The following CRYBG1 variants were observed in gnomAD, a reference collection of about 807,000 sequenced individuals.
CRYBG1 encodes crystallin beta-gamma domain containing 1.
In CRYBG1, 139 loss-of-function variants were observed where a neutral mutation model predicts 189.2. The observed-to-expected ratio is 0.73, with a 90% CI of 0.64 to 0.85. The LOEUF (loss-of-function observed/expected upper bound fraction) is 0.85. Ranked by LOEUF, CRYBG1 falls within the 40% of genes least tolerant of loss-of-function variation. CRYBG1 has a pLI of 0.00. For synonymous variants in CRYBG1, 1,023 were observed against 1,017.1 expected, an observed-to-expected ratio of 1.01 and a Z score of -0.11; for missense variants, 2,611 against 2,675.8, an observed-to-expected ratio of 0.98 and a Z score of 0.53.
rs559216537 is a variant in CRYBG1, at chr6:106,539,651, C to T, written c.4845+122C>T. 7.5e-6 allele frequency: 8 copies of T among 1,068,728 alleles called. No individual in the cohort carries two copies. In the Admixed American group the frequency reaches 1.1e-4, roughly 14 times the overall value. The allele number at this position is 1,068,728 out of a possible 1,614,324, so 66.2% of individuals were successfully genotyped here. A position where few individuals can be genotyped will look rare whatever the true frequency, so the allele number is the denominator to read the frequency against. On this transcript the variant is annotated intron_variant, in intron 9 of 21. Coordinates refer to ENST00000633556, the MANE Select transcript of CRYBG1 (RefSeq NM_001371242.2). ...AGAAACAAATTTGTAGTAGATTGGA[C>T]CTATTGCTCAATAGAAATCATGGAA...
chr6:106,555,674 A>C (rs1774519573), intron 16 of CRYBG1, 94 bp from the exon 17 acceptor site: 1 of 1,442,376 alleles, frequency 6.9e-7, no homozygotes, highest in African/African-American at 1.4e-5. Context: ...CATTGTGTTT[A>C]TTTTATAGCA....
At chr6:106,395,852 TG>T (rs1465381902) in intron 1 of CRYBG1, among the ~76,000 whole-genome samples, 2 of 149,676 alleles carry the variant, frequency 1.3e-5, no homozygotes, top group African/African-American at 4.9e-5. Flanking sequence ...TTTTATTTTT[TG>T]TTGGAGAATT....
chr6:106,508,310 A>AT (rs398002527), intron 2 of CRYBG1, among the ~76,000 whole-genome samples: 2 of 151,284 alleles, frequency 1.3e-5, no homozygotes, highest in African/African-American at 4.9e-5. Flanking sequence ...CAGGGGGAAA[A>AT]CTCTGTTTTA....
chr6:106,433,731 A>ATACACATATATATGTATATATATATGTG, intron 1 of CRYBG1, among the ~76,000 whole-genome samples: 1 of 53,338 alleles, frequency 1.9e-5, no homozygotes, highest in Admixed American at 1.9e-4. Flanking sequence ...ATATATATAT[A>ATACACATATATATGTATATATATATGTG]TATACATATA....
At chr6:106,463,203 C>T (rs894187644) in intron 2 of CRYBG1, among the ~76,000 whole-genome samples, 12 of 149,218 alleles carry the variant, frequency 8.0e-5, no homozygotes, top group Non-Finnish European at 1.6e-4. Context: ...ATCTTCTGTC[C>T]TGTGCTATTC....
chr6:106,411,077 A>T (rs150569405), intron 1 of CRYBG1, among the ~76,000 whole-genome samples: 25 of 152,264 alleles, frequency 1.6e-4, no homozygotes, highest in Middle Eastern at 3.4e-3. Context: ...CCCCTGGGAG[A>T]TTGATTTTAA....
chr6:106,450,378 CA>C (rs1203307952), intron 1 of CRYBG1, among the ~76,000 whole-genome samples: 1 of 152,178 alleles, frequency 6.6e-6, no homozygotes, highest in Admixed American at 6.5e-5. Context: ...AGAAATCCCA[CA>C]AAAGCTTCCG....
chr6:106,388,747 C>T (rs1001016850), intron 1 of CRYBG1, among the ~76,000 whole-genome samples: 1 of 152,118 alleles, frequency 6.6e-6, no homozygotes, highest in Admixed American at 6.6e-5. Context: ...TTTTTATGTA[C>T]TTTGCTGATG....
At chr6:106,432,443 C>T (rs1193372907) in intron 1 of CRYBG1, among the ~76,000 whole-genome samples, 1 of 152,220 alleles carries the variant, frequency 6.6e-6, no homozygotes, top group Non-Finnish European at 1.5e-5. Flanking sequence ...CTGTTGAGGG[C>T]CTTCCATGTG....
chr6:106,418,174 A>G (rs1771060346), intron 1 of CRYBG1, among the ~76,000 whole-genome samples: 1 of 152,264 alleles, frequency 6.6e-6, no homozygotes, highest in Admixed American at 6.5e-5. Context: ...CCCTACTTGA[A>G]GACAGGAAAG....
At chr6:106,502,671 G>A (rs945222653) in intron 2 of CRYBG1, among the ~76,000 whole-genome samples, 1 of 152,180 alleles carries the variant, frequency 6.6e-6, no homozygotes, top group Non-Finnish European at 1.5e-5. Context: ...ACCTTCTGGG[G>A]TACTTGTTAG....
chr6:106,435,011 C>T (rs1452587677), intron 1 of CRYBG1, among the ~76,000 whole-genome samples: 1 of 152,162 alleles, frequency 6.6e-6, no homozygotes, highest in African/African-American at 2.4e-5. Context: ...TGAATGGAAT[C>T]AGCGTGCCCC....
At chr6:106,395,295 C>G (rs1015602823) in intron 1 of CRYBG1, among the ~76,000 whole-genome samples, 2 of 151,478 alleles carry the variant, frequency 1.3e-5, no homozygotes, top group Non-Finnish European at 2.9e-5. Context: ...TTAGGTTTCT[C>G]TATTCTTAAT....
intron 1 of CRYBG1, among the ~76,000 whole-genome samples, chr6:106,392,744 C>T (rs1331088909): frequency 1.3e-5 from 2 of 150,788 alleles, no homozygotes; most frequent in African/African-American, 2.5e-5. Context: ...AAGAACTGTT[C>T]GAATTTTTGG....
At position 106,449,940 on chromosome 6, in the gene CRYBG1, A is replaced by G. The variant is rs971970136; in HGVS notation, c.174-1754A>G. ...AGTGACTTTTTAAAAAAGTATGTAC[A>G]GGGGCCAGGCACAGTGGCTCACGCC... is the stretch of plus-strand genomic sequence containing the variant. On this transcript the variant is annotated intron_variant, in intron 1 of 21. Transcript: ENST00000633556. 2.6e-5 allele frequency among the ~76,000 whole-genome samples: 4 copies of G among 152,288 alleles called. No individual in the cohort carries two copies. The East Asian group carries it at 7.7e-4, about 29-fold the overall frequency.
chr6:106,371,342 T>C (rs1350598945), intron 1 of CRYBG1, among the ~76,000 whole-genome samples: 4 of 152,252 alleles, frequency 2.6e-5, no homozygotes, highest in Non-Finnish European at 1.5e-5. Context: ...ATGTCTCCTT[T>C]ATCATGCATG....
At chr6:106,457,975 C>T (rs1006669691) in intron 2 of CRYBG1, among the ~76,000 whole-genome samples, 1 of 152,090 alleles carries the variant, frequency 6.6e-6, no homozygotes, top group Non-Finnish European at 1.5e-5. Context: ...TGGAAATATA[C>T]ATTAAAAACT....
intron 1 of CRYBG1, among the ~76,000 whole-genome samples, chr6:106,378,787 A>G (rs372524050): frequency 5.1e-4 from 78 of 152,294 alleles, no homozygotes; most frequent in African/African-American, 1.8e-3. Context: ...GTTTATTGCA[A>G]TGTCTTTTCT....
chr6:106,564,055 T>A (rs9400027), intron 21 of CRYBG1, 129 bp downstream of exon 21: 1 of 937,018 alleles, frequency 1.1e-6, no homozygotes, highest in Non-Finnish European at 1.6e-6. Context: ...CCCTACTGTG[T>A]GCCAGCTGCT....
Sources: allele counts gnomAD v4.1 joint callset (sites outside exome capture counted in the v4.1 genomes callset), GRCh38; gene constraint gnomAD v4.1.1; transcripts MANE v1.5; gene names NCBI Gene and HGNC (gene_info 2026-07-23, HGNC 2026-07-21).